The following ZZEF1 variants were observed in gnomAD, a reference collection of about 807,000 sequenced individuals.
ZZEF1 encodes zinc finger ZZ-type and EF-hand domain containing 1.
Under a neutral mutation model 342.8 loss-of-function variants are expected in ZZEF1, and 157 were observed. The observed-to-expected ratio is 0.46, with a 90% CI of 0.40 to 0.52. The LOEUF (loss-of-function observed/expected upper bound fraction) is 0.52. Ranked by LOEUF, ZZEF1 falls within the 20% of genes least tolerant of loss-of-function variation. The pLI, the probability that ZZEF1 is intolerant of heterozygous loss-of-function variation, is 0.00. For missense variants in ZZEF1, 3,480 were observed against 3,725.6 expected (o/e 0.93, Z 1.72); for synonymous variants, 1,505 against 1,429.1 (o/e 1.05, Z -1.20).
intron 39 of ZZEF1, among the ~76,000 whole-genome samples, chr17:4,040,022 G>T (rs1306950379): frequency 1.3e-5 from 2 of 151,994 alleles, no homozygotes; most frequent in East Asian, 3.9e-4. Context: ...CTAATGAAAC[G>T]TCTGAATTCC....
At chr17:4,104,832 C>G in intron 7 of ZZEF1, 21 bp from the exon 8 acceptor site, 1 of 1,602,390 alleles carries the variant, frequency 6.2e-7, no homozygotes, top group Non-Finnish European at 8.5e-7. Context: ...AGAGCAAAAA[C>G]TTTTCACTTC....
rs2056581019 is a variant in ZZEF1, at chr17:4,032,933, C to A, written c.6654G>T (p.Trp2218Cys). ...ILRSLNSAPLWRDVIATFTDH... is the reference protein window; with the variant it reads ...ILRSLNSAPLCRDVIATFTDH... ...CTGTGAAGGTGGCAATGACATCACGCCACAGTGGGGCACTGTTGAGTGACC... is the reference window on the plus strand; with the variant it reads ...CTGTGAAGGTGGCAATGACATCACGACACAGTGGGGCACTGTTGAGTGACC... Residue 2218 changes from tryptophan (W) to cysteine (C), a missense_variant, in exon 41 of 55, where the codon TGG becomes TGT. Trp to Cys is a radical substitution (Grantham distance 215). Around this residue, in one of 5 missense-constraint regions of ZZEF1, gnomAD observed 1,269 missense variants for 1,342.4 expected, o/e 0.95. Coordinates refer to ENST00000381638, the MANE Select transcript of ZZEF1 (RefSeq NM_015113.4). 6.2e-7 allele frequency: 1 copy of A among 1,612,432 alleles called. No individual in the cohort carries two copies. Among genetic ancestry groups the A allele is most frequent in the Non-Finnish European group, 8.5e-7 (1 of 1,179,314 alleles).
intron 13 of ZZEF1, among the ~76,000 whole-genome samples, chr17:4,087,783 A>ACACACACAC (rs58500122): frequency 2.1e-5 from 3 of 145,990 alleles, no homozygotes; most frequent in Non-Finnish European, 3.0e-5. Context: ...ATATACACAC[A>ACACACACAC]ACACACACAC....
chr17:4,021,360 T>C, intron 44 of ZZEF1, 40 bp from the exon 45 acceptor site: 1 of 1,538,698 alleles, frequency 6.5e-7, no homozygotes, highest in Non-Finnish European at 8.8e-7. Context: ...GAGCACTCAG[T>C]GGGCGGGAAG....
At chr17:4,027,629 C>T (rs1175079540) in intron 42 of ZZEF1, among the ~76,000 whole-genome samples, 14 of 146,420 alleles carry the variant, frequency 9.6e-5, no homozygotes, top group Non-Finnish European at 7.4e-5. Flanking sequence ...AGACAGGCTC[C>T]TGCTCTGTCA....
At chr17:4,108,181 C>A (rs1273425059) in intron 6 of ZZEF1, among the ~76,000 whole-genome samples, 3 of 152,142 alleles carry the variant, frequency 2.0e-5, no homozygotes, top group Admixed American at 6.5e-5. Flanking sequence ...CTGGCAAAAA[C>A]CACTTTAATC....
At chr17:4,035,724 G>C (rs1378298854) in intron 39 of ZZEF1, among the ~76,000 whole-genome samples, 2 of 152,244 alleles carry the variant, frequency 1.3e-5, no homozygotes, top group Admixed American at 1.3e-4. Context: ...CATAAGGAGA[G>C]TGTTGCCACT....
Position 4,025,106 on chromosome 17 carries a change from T to C in ZZEF1, c.6905A>G (p.Gln2302Arg). The C allele has an allele frequency of 6.2e-7, 1 of 1,614,124 alleles. No homozygotes were observed. Among genetic ancestry groups the C allele is most frequent in the Non-Finnish European group, 8.5e-7 (1 of 1,180,016 alleles). ...TRKRKTVKDY[Q>R]LVQKGGGQEC... ...TTGTCCTCCTCCCTTCTGGACCAGCTGGTAGTCCTTCACTGAAGGGTGACA... is the reference window on the plus strand; with the variant it reads ...TTGTCCTCCTCCCTTCTGGACCAGCCGGTAGTCCTTCACTGAAGGGTGACA... Residue 2302 changes from glutamine (Q) to arginine (R), a missense_variant, in exon 43 of 55, where the codon CAG (glutamine) becomes CGG (arginine). Physicochemically the swap from Gln to Arg is conservative, Grantham distance 43 (BLOSUM62 1). Coordinates refer to ENST00000381638, the MANE Select transcript of ZZEF1 (RefSeq NM_015113.4).
chr17:4,087,484 C>T lies in ZZEF1; in HGVS notation c.2292G>A (p.Ala764=). Residue 764 remains alanine, a synonymous_variant, in exon 14 of 55, where the codon GCG becomes GCA. Coordinates refer to ENST00000381638, the MANE Select transcript of ZZEF1 (RefSeq NM_015113.4). ...TCCAGAAGATCTGCAAATCAAGACC[C>T]GCGAAGTCCAGAAAAGATTTATATT... is the stretch of plus-strand genomic sequence containing the variant. ...GLKYKSFLDF[A]GLDLQIFWNF... The T allele has an allele frequency of 1.2e-6, 2 of 1,611,258 alleles. No individual in the cohort carries two copies. The highest frequency in any genetic ancestry group is 1.7e-6 in the Non-Finnish European group (2 of 1,179,328).
intron 11 of ZZEF1, among the ~76,000 whole-genome samples, chr17:4,091,666 A>G (rs1371105172): frequency 6.6e-6 from 1 of 152,074 alleles, no homozygotes; most frequent in Non-Finnish European, 1.5e-5. Flanking sequence ...AATCTCAGCT[A>G]CTCAGGAGGC....
At position 4,008,976 on chromosome 17, in the gene ZZEF1, TGTGA is replaced by T. The variant is rs1160054461; in HGVS notation, c.8734-26_8734-23del. The stretch of plus-strand genomic sequence containing the variant: ...GCTCCTGCAGAGAGAGAGCAGGGGC[TGTGA>T]GTGACAGCGCCAGATGCGCAGTGCA... On this transcript the variant is annotated intron_variant, in intron 53 of 54. Coordinates refer to ENST00000381638, the MANE Select transcript of ZZEF1 (RefSeq NM_015113.4). This position sits in a 1 kb window ranked among gnomAD's most constrained non-coding sequence, Gnocchi z 4.2. 2.0e-6 allele frequency: 3 copies of T among 1,538,296 alleles called. No individual in the cohort carries two copies. The highest frequency in any genetic ancestry group is 2.6e-6 in the Non-Finnish European group (3 of 1,146,646).
At chr17:4,050,089 TAAC>T (rs1049926155) in intron 36 of ZZEF1, among the ~76,000 whole-genome samples, 1 of 152,202 alleles carries the variant, frequency 6.6e-6, no homozygotes, top group African/African-American at 2.4e-5. Context: ...TATACTTTAT[TAAC>T]AACAGAAGAT....
chr17:4,079,751 G>GA (rs1369415851), intron 18 of ZZEF1, among the ~76,000 whole-genome samples: 4 of 152,280 alleles, frequency 2.6e-5, no homozygotes, highest in African/African-American at 7.2e-5. Context: ...TGAATTGGGG[G>GA]AGACACCTGC....
At chr17:4,112,033 A>AAT (rs57925351) in intron 5 of ZZEF1, among the ~76,000 whole-genome samples, 28 of 54,416 alleles carry the variant, frequency 5.1e-4, no homozygotes, top group Non-Finnish European at 7.5e-4. Context: ...ATCCTGTCTA[A>AAT]ATATATATAT....
chr17:4,142,310 CAGAG>C (rs1218085312), intron 1 of ZZEF1, among the ~76,000 whole-genome samples: 6 of 152,248 alleles, frequency 3.9e-5, no homozygotes, highest in African/African-American at 1.4e-4. Context: ...TTACAACATA[CAGAG>C]AGAGACATAT....
chr17:4,111,173 G>A (rs1192297043), intron 5 of ZZEF1, among the ~76,000 whole-genome samples: 2 of 151,958 alleles, frequency 1.3e-5, no homozygotes, highest in Admixed American at 6.6e-5. Context: ...TAGGAAAAAA[G>A]GTGTGTAGAT....
At chr17:4,044,662 G>A (rs2056874518) in intron 37 of ZZEF1, among the ~76,000 whole-genome samples, 1 of 151,938 alleles carries the variant, frequency 6.6e-6, no homozygotes, top group African/African-American at 2.4e-5. Flanking sequence ...GGGACTACAG[G>A]TGCGTGCCAC....
intron 37 of ZZEF1, among the ~76,000 whole-genome samples, chr17:4,047,069 AAGAGCC>A (rs2056931895): frequency 6.6e-6 from 1 of 152,124 alleles, no homozygotes; most frequent in Non-Finnish European, 1.5e-5. Context: ...GACTAAGAGG[AAGAGCC>A]AGAGGCAGGA....
At position 4,048,206 on chromosome 17, in the gene ZZEF1, G is replaced by A. The variant is rs147218834; in HGVS notation, c.6015+1502C>T. ...ATAATCCGTGGGTGGTTAAAGTGCC[G>A]CCTACAGAAGACGTTTCATGGAAAA... On this transcript the variant is annotated intron_variant, in intron 37 of 54. Coordinates refer to ENST00000381638, the MANE Select transcript of ZZEF1 (RefSeq NM_015113.4). Among the ~76,000 whole-genome samples, 250 of 152,250 alleles carry A rather than the reference G, an allele frequency of 1.6e-3. 4 individuals are homozygous for A. Among genetic ancestry groups the A allele is most frequent in the Admixed American group, 0.014 (219 of 15,294 alleles).
Sources: gnomAD v4.1 joint callset for allele counts (sites outside exome capture counted in the v4.1 genomes callset) on GRCh38, gnomAD v4.1.1 for gene constraint, gnomAD v4.1.1 regional missense constraint, Gnocchi (gnomAD v3.1) non-coding constraint, MANE v1.5 for transcripts, NCBI Gene and HGNC (gene_info 2026-07-23, HGNC 2026-07-21) for gene names.